NLRX1: variants seen among roughly 807,000 people sequenced by gnomAD.
NLRX1 encodes NLR family member X1, also known as NOD-like receptor X1.
Under a neutral mutation model 74.2 loss-of-function variants are expected in NLRX1, and 67 were observed. The observed-to-expected ratio is 0.90, with a 90% CI of 0.74 to 1.11. The LOEUF is 1.11. NLRX1 is among the 50% of genes least tolerant of loss of function. NLRX1 has a pLI of 0.00. For missense variants in NLRX1, 1,191 were observed against 1,305.4 expected, an observed-to-expected ratio of 0.91 and a Z score of 1.35; for synonymous variants, 506 against 559.1, an observed-to-expected ratio of 0.91 and a Z score of 1.34.
Position 119,172,902 on chromosome 11 carries a change from GCCTTTAT to G in NLRX1, c.143_149del (p.Ala48AspfsTer8). Reference sequence around the variant, plus strand: ...CTCATCCCCTCTCCTTGTTCCCAGGGCCTTTATACGCCACCACGGAAGCTCGGTAGAT... The same window carrying G: ...CTCATCCCCTCTCCTTGTTCCCAGGGACGCCACCACGGAAGCTCGGTAGAT... On this transcript the variant is annotated frameshift_variant and splice_region_variant, in exon 4 of 10. Coordinates refer to ENST00000409109, the MANE Select transcript of NLRX1 (RefSeq NM_001282144.2). LOFTEE classifies it high-confidence loss of function. The G allele has an allele frequency of 6.2e-7, 1 of 1,613,258 alleles. No individual in the cohort carries two copies. The highest frequency in any genetic ancestry group is 1.1e-5 in the South Asian group (1 of 91,068).
chr11:119,171,204 G>C lies in NLRX1; in HGVS notation c.-48-152G>C, dbSNP rs182081519. Among the ~76,000 whole-genome samples, 23 of 152,360 alleles carry C rather than the reference G, an allele frequency of 1.5e-4. No homozygotes were observed. The East Asian group carries it at 4.0e-3, about 27-fold the overall frequency. ...AAGCTGGAGTTTGGGAGAGGGACGA[G>C]AGCTGAAAACCAGGCCAGGGCTTCA... On this transcript the variant is annotated intron_variant, in intron 1 of 9. Coordinates refer to ENST00000409109, the MANE Select transcript of NLRX1 (RefSeq NM_001282144.2).
chr11:119,175,999 C>T (rs1467101424), intron 6 of NLRX1, among the ~76,000 whole-genome samples: 1 of 148,544 alleles, frequency 6.7e-6, no homozygotes, highest in Non-Finnish European at 1.5e-5. Flanking sequence ...AACTGAGGCT[C>T]AGAGAGGTAA....
rs190358411 is a variant in NLRX1 at position 119,180,188 on chromosome 11, G to A, written c.2167G>A (p.Gly723Arg). Residue 723 changes from glycine (G) to arginine (R), a missense_variant, in exon 7 of 10, where the codon GGA (glycine) becomes AGA (arginine). Physicochemically the swap from Gly to Arg is moderately radical, Grantham distance 125. Coordinates refer to ENST00000409109, the MANE Select transcript of NLRX1 (RefSeq NM_001282144.2). The part of the protein sequence containing the change: ...CTVVAAVLGS[G>R]RHALDEVNLA... ...AGTGGTGGCAGCTGTGCTGGGCAGCGGAAGGCATGCCCTGGATGAGGTGAA... is the reference window on the plus strand; with the variant it reads ...AGTGGTGGCAGCTGTGCTGGGCAGCAGAAGGCATGCCCTGGATGAGGTGAA... 27 of 1,612,890 alleles carry A rather than the reference G, an allele frequency of 1.7e-5. No homozygotes were observed. Among genetic ancestry groups the A allele is most frequent in the East Asian group, 4.5e-5 (2 of 44,820 alleles).
chr11:119,171,179 A>G (rs1948537203), intron 1 of NLRX1, among the ~76,000 whole-genome samples, 177 bp from the exon 2 acceptor site: 1 of 152,220 alleles, frequency 6.6e-6, no homozygotes, highest in Non-Finnish European at 1.5e-5. Flanking sequence ...GGGATTCCTC[A>G]AGCTGGAGTT....
intron 8 of NLRX1, 144 bp downstream of exon 8, chr11:119,181,401 C>T: frequency 1.6e-6 from 1 of 644,102 alleles, no homozygotes; most frequent in Non-Finnish European, 2.8e-6. Flanking sequence ...CTCCACTTCC[C>T]CCAGGTCCAC....
Position 119,173,069 on chromosome 11 carries a change from A to G in NLRX1, c.229+80A>G. 1 of 1,115,026 alleles carries G rather than the reference A, an allele frequency of 9.0e-7. No homozygotes were observed. Among genetic ancestry groups the G allele is most frequent in the Admixed American group, 1.7e-5 (1 of 58,574 alleles). The allele number at this position is 1,115,026 out of a possible 1,614,324, so 69.1% of individuals were successfully genotyped here. On this transcript the variant is annotated intron_variant, in intron 4 of 9. Coordinates refer to ENST00000409109, the MANE Select transcript of NLRX1 (RefSeq NM_001282144.2). This position sits in a 1 kb window ranked among gnomAD's most constrained non-coding sequence, Gnocchi z 4.0. The stretch of plus-strand genomic sequence containing the variant: ...GAAGGAGAAGCAGGGTGAGGGAGGC[A>G]TAGAGGATCCACTGCCATCTTCCAT...
intron 1 of NLRX1, among the ~76,000 whole-genome samples, chr11:119,170,233 C>T (rs1948508871): frequency 6.6e-6 from 1 of 151,878 alleles, no homozygotes; most frequent in South Asian, 2.1e-4. Flanking sequence ...GTGCTTGGTG[C>T]TTGGGGTGAG....
chr11:119,169,560 T>C (rs892542600), intron 1 of NLRX1, among the ~76,000 whole-genome samples: 2 of 152,316 alleles, frequency 1.3e-5, no homozygotes, highest in Admixed American at 1.3e-4. Context: ...CCAGTTCTCC[T>C]TAAGCGTACC....
rs1361811483 is a variant in NLRX1, at chr11:119,183,379, G to C, written c.2868G>C (p.Leu956=). ...TTAATCCTTGGCGCAAGGCCCAGCT[G>C]CTGCGAGTGGAGGGCGAGGTCAGGG... The part of the protein sequence containing the change: ...ATLNPWRKAQ[L]LRVEGEVRAL... Residue 956 remains leucine, a synonymous_variant, in exon 10 of 10, where the codon CTG becomes CTC. Transcript: ENST00000409109. This position sits in a 1 kb window ranked among gnomAD's most constrained non-coding sequence, Gnocchi z 5.7. The C allele has an allele frequency of 6.8e-6, 11 of 1,614,040 alleles. No homozygotes were observed. The highest frequency in any genetic ancestry group is 1.3e-5 in the African/African-American group (1 of 74,948).
chr11:119,172,431 G>A lies in NLRX1; in HGVS notation c.140+6G>A. 2 of 1,605,404 alleles carry A rather than the reference G, an allele frequency of 1.2e-6. No individual in the cohort carries two copies. Among genetic ancestry groups the A allele is most frequent in the African/African-American group, 1.3e-5 (1 of 74,860 alleles). On this transcript the variant is annotated splice_donor_region_variant and intron_variant, in intron 3 of 9. Transcript: ENST00000409109. ...CGTCCCTTTGGGCCCCCTAGGTGAG[G>A]CCTGGGTGTCATACCTTAGGACTAG...
At chr11:119,177,988 T>C (rs1948740335) in intron 6 of NLRX1, 1 of 152,152 alleles carries the variant, frequency 6.6e-6, no homozygotes, top group South Asian at 2.1e-4. Flanking sequence ...CTATCACCTC[T>C]ATGAGAGTAA....
In NLRX1 at chr11:119,174,384, T is replaced by TC. The variant is rs1315518325; in HGVS notation, c.850-65dup. 4.0e-6 allele frequency: 6 copies of TC among 1,486,006 alleles called. No homozygotes were observed. In the East Asian group the frequency reaches 1.4e-4, roughly 34 times the overall value. The allele number at this position is 1,486,006 out of a possible 1,614,324, so 92.1% of individuals were successfully genotyped here. ...TCCTTGGACACTCCGTCTTCAGGGG[T>TC]CCCCTGGGAATAGAAGCAGTCAACA... On this transcript the variant is annotated intron_variant, in intron 5 of 9. Coordinates refer to ENST00000409109, the MANE Select transcript of NLRX1 (RefSeq NM_001282144.2).
rs776282067 is a variant in NLRX1 at position 119,174,044 on chromosome 11, G to T, written c.795G>T (p.Pro265=). The T allele has an allele frequency of 8.1e-6, 13 of 1,614,006 alleles. No homozygotes were observed. Among genetic ancestry groups the T allele is most frequent in the African/African-American group, 8.0e-5 (6 of 74,902 alleles). ...GACTTTGTAGTGACCCGGAGGAACCGCAGGAACCAGCTGCTATCATCGTCA... is the reference window on the plus strand; with the variant it reads ...GACTTTGTAGTGACCCGGAGGAACCTCAGGAACCAGCTGCTATCATCGTCA... ...GTGLCSDPEE[P]QEPAAIIVNL... is the part of the protein sequence containing the mutation. The change falls in exon 5 of 10, where the codon CCG becomes CCT. Residue 265 remains proline (P), a synonymous_variant. Transcript: ENST00000409109.
At position 119,171,427 on chromosome 11, in the gene NLRX1, C is replaced by A; in HGVS notation, c.24C>A (p.Pro8=). Residue 8 remains proline, a synonymous_variant, in exon 2 of 10, where the codon CCC becomes CCA. Coordinates refer to ENST00000409109, the MANE Select transcript of NLRX1 (RefSeq NM_001282144.2). ...GGATGAGGTGGGGCCACCATTTGCC[C>A]AGGGCCTCTTGGGGCTCTGGTTTTA... MRWGHHL[P]RASWGSGFRR... 6.2e-7 allele frequency: 1 copy of A among 1,614,004 alleles called. No individual in the cohort carries two copies. Among genetic ancestry groups the A allele is most frequent in the Non-Finnish European group, 8.5e-7 (1 of 1,179,950 alleles).
chr11:119,180,309 A>G (rs1948805487), intron 7 of NLRX1, 21 bp downstream of exon 7: 1 of 1,524,162 alleles, frequency 6.6e-7, no homozygotes, highest in Admixed American at 1.8e-5. Context: ...ATCCTCATGC[A>G]CAGGCATGAA....
chr11:119,177,655 A>C (rs1413822636), intron 6 of NLRX1: 1 of 151,078 alleles, frequency 6.6e-6, no homozygotes, highest in Admixed American at 6.6e-5. Context: ...AAAAAGAAAG[A>C]AACAAAGAAA....
At chr11:119,176,202 G>A (rs1948700315) in intron 6 of NLRX1, among the ~76,000 whole-genome samples, 1 of 152,174 alleles carries the variant, frequency 6.6e-6, no homozygotes, top group African/African-American at 2.4e-5. Context: ...CAGAGTGCTG[G>A]TTAGTGCTGG....
chr11:119,173,372 C>A lies in NLRX1; in HGVS notation c.230-107C>A. On this transcript the variant is annotated intron_variant, in intron 4 of 9. Coordinates refer to ENST00000409109, the MANE Select transcript of NLRX1 (RefSeq NM_001282144.2). This position sits in a 1 kb window ranked among gnomAD's most constrained non-coding sequence, Gnocchi z 4.0. ...GTGTGCCCACCATTGTGGGCCCCAG[C>A]ATCTATGCCGTGATGTCCCAGCCTG... is the stretch of plus-strand genomic sequence containing the variant. 8.2e-7 allele frequency: 1 copy of A among 1,213,682 alleles called. No homozygotes were observed. Among genetic ancestry groups the A allele is most frequent in the South Asian group, 1.4e-5 (1 of 71,466 alleles). The allele number at this position is 1,213,682 out of a possible 1,614,324, so 75.2% of individuals were successfully genotyped here. A position where few individuals can be genotyped will look rare whatever the true frequency, so the allele number is the denominator to read the frequency against.
rs1393444898 is a variant in NLRX1, at chr11:119,174,916, C to A, written c.1313C>A (p.Ser438Tyr). The change falls in exon 6 of 10, where the codon TCC becomes TAC. Residue 438 changes from serine to tyrosine, a missense_variant. By Grantham distance (144) the Ser-to-Tyr change is moderately radical. Transcript: ENST00000409109. ...GGCAAGTTGGCCTATGAGGGGGTGT[C>A]CTCCCGCAAGACCTACTTCTCTGAA... Reference protein sequence around the residue: ...TMGKLAYEGVSSRKTYFSEED... With the variant: ...TMGKLAYEGVYSRKTYFSEED... 1 of 1,614,054 alleles carries A rather than the reference C, an allele frequency of 6.2e-7. No individual in the cohort carries two copies. The highest frequency in any genetic ancestry group is 8.5e-7 in the Non-Finnish European group (1 of 1,180,048).
Sources: allele counts gnomAD v4.1 joint callset (sites outside exome capture counted in the v4.1 genomes callset), GRCh38; gene constraint gnomAD v4.1.1; non-coding constraint Gnocchi (gnomAD v3.1); transcripts MANE v1.5; gene names NCBI Gene and HGNC (gene_info 2026-07-23, HGNC 2026-07-21).